KCNMB4: variants seen among roughly 807,000 people sequenced by gnomAD.
KCNMB4 encodes calcium-activated potassium channel subunit beta-4.
In KCNMB4, 3 loss-of-function variants were observed where a neutral mutation model predicts 20.7. That is an observed-to-expected ratio of 0.14 (90% CI 0.07 to 0.37). KCNMB4 has a LOEUF of 0.37. Among genes scored for constraint, KCNMB4 ranks in the 10% least tolerant of loss-of-function variants. The pLI, the probability that KCNMB4 is intolerant of heterozygous loss-of-function variation, is 1.00. For missense variants in KCNMB4, 168 were observed against 265.9 expected, an observed-to-expected ratio of 0.63 and a Z score of 2.56; for synonymous variants, 110 against 113.4, an observed-to-expected ratio of 0.97 and a Z score of 0.19.
At chr12:70,393,306 G>C (rs373178648) in intron 1 of KCNMB4, among the ~76,000 whole-genome samples, 2 of 151,982 alleles carry the variant, frequency 1.3e-5, no homozygotes, top group African/African-American at 2.4e-5. Context: ...GGGTTCAAGC[G>C]ATTCTCCTGC....
chr12:70,382,414 C>A (rs1883804314), intron 1 of KCNMB4, among the ~76,000 whole-genome samples: 2 of 101,274 alleles, frequency 2.0e-5, no homozygotes, highest in East Asian at 3.0e-4. Context: ...GCCTGGGCGA[C>A]AGAACGAGAC....
At chr12:70,392,642 T>G (rs1868309944) in intron 1 of KCNMB4, among the ~76,000 whole-genome samples, 2 of 152,138 alleles carry the variant, frequency 1.3e-5, no homozygotes, top group Non-Finnish European at 2.9e-5. Flanking sequence ...CATGGAATAC[T>G]AATGCAGCCA....
chr12:70,408,177 G>A (rs550732309), intron 2 of KCNMB4, among the ~76,000 whole-genome samples: 1 of 152,196 alleles, frequency 6.6e-6, no homozygotes, highest in South Asian at 2.1e-4. Context: ...ATTTTTCAGC[G>A]ACTCTGGGAA....
intron 2 of KCNMB4, among the ~76,000 whole-genome samples, chr12:70,416,408 T>C (rs934179662): frequency 2.0e-5 from 3 of 152,218 alleles, no homozygotes; most frequent in African/African-American, 4.8e-5. Flanking sequence ...CTGACAGTTA[T>C]TTACATGTGT....
chr12:70,379,185 A>G (rs1219510667), intron 1 of KCNMB4, among the ~76,000 whole-genome samples: 3 of 152,200 alleles, frequency 2.0e-5, no homozygotes, highest in African/African-American at 7.2e-5. Flanking sequence ...GTAAATGAGC[A>G]CTGGCTTCAG....
intron 1 of KCNMB4, among the ~76,000 whole-genome samples, chr12:70,383,959 C>T (rs1883841271): frequency 6.6e-6 from 1 of 152,134 alleles, no homozygotes; most frequent in South Asian, 2.1e-4. Context: ...ACCCCAGCTA[C>T]TCAGGAGGCT....
intron 1 of KCNMB4, among the ~76,000 whole-genome samples, chr12:70,381,562 G>A (rs1377890317): frequency 6.6e-6 from 1 of 152,160 alleles, no homozygotes; most frequent in Non-Finnish European, 1.5e-5. Flanking sequence ...AGAATGAAGT[G>A]TTAATACAAT....
At chr12:70,393,901 T>G (rs1271096410) in intron 1 of KCNMB4, among the ~76,000 whole-genome samples, 1 of 152,130 alleles carries the variant, frequency 6.6e-6, no homozygotes, top group Admixed American at 6.5e-5. Context: ...TACATTCCAT[T>G]TCTTCTTGGG....
chr12:70,382,822 T>C (rs1487651869), intron 1 of KCNMB4, among the ~76,000 whole-genome samples: 2 of 152,178 alleles, frequency 1.3e-5, no homozygotes, highest in Non-Finnish European at 2.9e-5. Context: ...ATGAAAAATA[T>C]GTGGTATCTC....
chr12:70,367,449 A>C (rs1222590402), intron 1 of KCNMB4, among the ~76,000 whole-genome samples: 1 of 152,154 alleles, frequency 6.6e-6, no homozygotes, highest in African/African-American at 2.4e-5. Flanking sequence ...CACCTACTCC[A>C]GCTCACGGTC....
chr12:70,433,521 A>G lies in KCNMB4; in HGVS notation c.*2868A>G, dbSNP rs955763803. ...CACTTCTGCCCACCGTCCATTCATG[A>G]ATACTTACTATATAGCTATACCTAG... is the stretch of plus-strand genomic sequence containing the variant. On this transcript the variant is annotated 3_prime_UTR_variant, in exon 3 of 3. Transcript: ENST00000258111. The G allele has an allele frequency of 1.3e-5, 2 of 152,256 alleles. No homozygotes were observed. Among genetic ancestry groups the G allele is most frequent in the African/African-American group, 2.4e-5 (1 of 41,470 alleles). 9.4% of individuals were successfully genotyped at this position (152,256 alleles called of 1,614,324 possible).
At chr12:70,413,361 T>G (rs984923373) in intron 2 of KCNMB4, among the ~76,000 whole-genome samples, 2 of 152,172 alleles carry the variant, frequency 1.3e-5, no homozygotes, top group Non-Finnish European at 2.9e-5. Flanking sequence ...TATGCAGCCT[T>G]CAAACAAAGC....
At chr12:70,412,019 G>A (rs902700839) in intron 2 of KCNMB4, among the ~76,000 whole-genome samples, 2 of 152,170 alleles carry the variant, frequency 1.3e-5, no homozygotes, top group African/African-American at 4.8e-5. Context: ...GATGGTAGGA[G>A]CTTGGACAAA....
chr12:70,378,878 T>G (rs980687585), intron 1 of KCNMB4, among the ~76,000 whole-genome samples: 1 of 152,162 alleles, frequency 6.6e-6, no homozygotes, highest in Non-Finnish European at 1.5e-5. Flanking sequence ...AAGTCGAACT[T>G]ACTCCCTGAT....
chr12:70,412,757 C>A (rs11178230), intron 2 of KCNMB4, among the ~76,000 whole-genome samples: 40,593 of 151,746 alleles, frequency 0.27, 5,532 homozygotes, highest in East Asian at 0.37. Flanking sequence ...AGATTTGGAA[C>A]AAATTCCAGA....
chr12:70,429,161 G>A (rs1369680580), intron 2 of KCNMB4, among the ~76,000 whole-genome samples: 1 of 152,168 alleles, frequency 6.6e-6, no homozygotes, highest in Non-Finnish European at 1.5e-5. Context: ...TGAGAGCTGT[G>A]ACTAATGAGT....
At chr12:70,367,897 G>T (rs1883524147) in intron 1 of KCNMB4, among the ~76,000 whole-genome samples, 1 of 151,960 alleles carries the variant, frequency 6.6e-6, no homozygotes, top group South Asian at 2.1e-4. Flanking sequence ...ATAAAACCTG[G>T]TTAGGACTCC....
At chr12:70,403,410 G>A (rs150680173) in intron 2 of KCNMB4, among the ~76,000 whole-genome samples, 93 of 152,210 alleles carry the variant, frequency 6.1e-4, no homozygotes, top group African/African-American at 2.1e-3. Flanking sequence ...TTGGCTCACT[G>A]CAACCTCTGC....
intron 1 of KCNMB4, among the ~76,000 whole-genome samples, chr12:70,377,228 A>G (rs1883703593): frequency 6.6e-6 from 1 of 152,228 alleles, no homozygotes; most frequent in South Asian, 2.1e-4. Context: ...CCATCTTGAA[A>G]AAAGAGAACA....
Sources: gnomAD v4.1 joint callset for allele counts (sites outside exome capture counted in the v4.1 genomes callset) on GRCh38, gnomAD v4.1.1 for gene constraint, MANE v1.5 for transcripts, NCBI Gene and HGNC (gene_info 2026-07-23, HGNC 2026-07-21) for gene names.